Variants in SEPTIN10 observed in about 807,000 individuals in gnomAD.
SEPTIN10 encodes septin 10.
SEPTIN10 carries 66 observed loss-of-function variants against 54.8 expected under a neutral mutation model. The ratio of observed to expected loss-of-function variants is 1.21; its 90% CI spans 0.99 to 1.48. SEPTIN10 has a LOEUF of 1.48. Among genes scored for constraint, SEPTIN10 ranks in the 40% most tolerant of loss-of-function variants. SEPTIN10 has a pLI of 0.00. For synonymous variants in SEPTIN10, 161 were observed against 181.0 expected, an observed-to-expected ratio of 0.89 and a Z score of 0.89; for missense variants, 620 against 545.6, an observed-to-expected ratio of 1.14 and a Z score of -1.36.
At chr2:109,578,964 A>G (rs956703717) in intron 4 of SEPTIN10, among the ~76,000 whole-genome samples, 2 of 152,190 alleles carry the variant, frequency 1.3e-5, no homozygotes, top group African/African-American at 4.8e-5. Context: ...AAAGAAAAGC[A>G]TAAAACTGAA....
intron 5 of SEPTIN10, among the ~76,000 whole-genome samples, chr2:109,573,515 C>T (rs111452745): frequency 0.025 from 3,823 of 152,178 alleles, 177 homozygotes; most frequent in African/African-American, 0.086. Flanking sequence ...TTTGCTAAAA[C>T]CAGGGGACCA....
At chr2:109,601,785 A>C (rs1440111527) in intron 1 of SEPTIN10, among the ~76,000 whole-genome samples, 16 of 152,072 alleles carry the variant, frequency 1.1e-4, no homozygotes, top group Admixed American at 1.0e-3. Flanking sequence ...AAAAGCAACT[A>C]AATCTTCCTT....
chr2:109,608,926 C>T (rs4953843), intron 1 of SEPTIN10, among the ~76,000 whole-genome samples: 69,178 of 152,068 alleles, frequency 0.45, 16,166 homozygotes, highest in African/African-American at 0.55. Flanking sequence ...AGAGATAAAT[C>T]ACATTAATAT....
rs1027020337 is a variant in SEPTIN10, at chr2:109,566,212, C to T, written c.763-353G>A. Among the ~76,000 whole-genome samples, 3 of 152,106 alleles carry T rather than the reference C, an allele frequency of 2.0e-5. No homozygotes were observed. The South Asian group carries it at 6.2e-4, about 32-fold the overall frequency. On this transcript the variant is annotated intron_variant, in intron 6 of 10. Coordinates refer to ENST00000397712, the MANE Select transcript of SEPTIN10 (RefSeq NM_144710.5). Reference sequence around the variant, plus strand: ...CTCATCTCACTGCAGCCTCCGCCTCCTGGGTTCCAGTGATTCTCCTACCTC... The same window carrying T: ...CTCATCTCACTGCAGCCTCCGCCTCTTGGGTTCCAGTGATTCTCCTACCTC...
intron 8 of SEPTIN10, among the ~76,000 whole-genome samples, chr2:109,559,951 C>T (rs928241480): frequency 6.8e-5 from 9 of 132,444 alleles, no homozygotes; most frequent in Non-Finnish European, 1.2e-4. Flanking sequence ...GATGGGGTCT[C>T]GCTCTGTCAC....
chr2:109,574,810 A>G, intron 4 of SEPTIN10, 43 bp from the exon 5 acceptor site: 1 of 1,390,050 alleles, frequency 7.2e-7, no homozygotes, highest in East Asian at 2.5e-5. Context: ...TATTTGTGCT[A>G]CCTTAAGATA....
chr2:109,613,691 G>T, intron 1 of SEPTIN10, 107 bp downstream of exon 1: 1 of 748,898 alleles, frequency 1.3e-6, no homozygotes, highest in Non-Finnish European at 1.8e-6. Flanking sequence ...CGGAGGGGGC[G>T]CGGGTCACAA....
At chr2:109,557,223 T>TA (rs1684586922) in intron 8 of SEPTIN10, among the ~76,000 whole-genome samples, 1 of 152,046 alleles carries the variant, frequency 6.6e-6, no homozygotes, top group Non-Finnish European at 1.5e-5. Flanking sequence ...ATAACAAACA[T>TA]AAGTTTTTTA....
At chr2:109,577,225 G>A (rs748574943) in intron 4 of SEPTIN10, among the ~76,000 whole-genome samples, 2 of 152,186 alleles carry the variant, frequency 1.3e-5, no homozygotes, top group Non-Finnish European at 2.9e-5. Context: ...TCAAGTATGT[G>A]AGCGACACAG....
At chr2:109,565,100 A>C (rs1320739449) in intron 7 of SEPTIN10, among the ~76,000 whole-genome samples, 1 of 152,192 alleles carries the variant, frequency 6.6e-6, no homozygotes, top group African/African-American at 2.4e-5. Context: ...ACAAATAAAT[A>C]TATTTTATTG....
intron 4 of SEPTIN10, among the ~76,000 whole-genome samples, chr2:109,582,930 G>T (rs1289632909): frequency 1.3e-5 from 2 of 152,274 alleles, no homozygotes; most frequent in South Asian, 4.1e-4. Flanking sequence ...AATGGGGAAA[G>T]GACTCTCTAT....
chr2:109,589,051 C>T (rs559909589), intron 2 of SEPTIN10, among the ~76,000 whole-genome samples: 72 of 151,868 alleles, frequency 4.7e-4, no homozygotes, highest in African/African-American at 1.7e-3. Flanking sequence ...CCACCTCAGC[C>T]TCTGGAGTAG....
rs961779692 is a variant in SEPTIN10 at position 109,574,062 on chromosome 2, T to C, written c.600+519A>G. On this transcript the variant is annotated intron_variant, in intron 5 of 10. Transcript: ENST00000397712. Reference sequence around the variant, plus strand: ...CACTACAAAGGAAACTAAAATTTTATTGCAATATTCCTTCTTTGCATCTCA... The same window carrying C: ...CACTACAAAGGAAACTAAAATTTTACTGCAATATTCCTTCTTTGCATCTCA... Among the ~76,000 whole-genome samples the C allele has an allele frequency of 5.3e-5, 8 of 152,308 alleles. 2 individuals carry two copies. The highest frequency in any genetic ancestry group is 6.5e-5 in the Admixed American group (1 of 15,296).
intron 1 of SEPTIN10, among the ~76,000 whole-genome samples, chr2:109,603,918 T>G (rs910897380): frequency 6.6e-6 from 1 of 151,912 alleles, no homozygotes; most frequent in East Asian, 2.0e-4. Flanking sequence ...TCCCAGCACT[T>G]TGGGAGGCCG....
At chr2:109,574,479 G>T in intron 5 of SEPTIN10, 102 bp downstream of exon 5, 24 of 583,796 alleles carry the variant, frequency 4.1e-5, no homozygotes, top group Non-Finnish European at 6.0e-5. Context: ...TAAAAAAGAT[G>T]CACAGGATAA....
chr2:109,591,670 ATGG>A (rs1272538031), intron 2 of SEPTIN10, among the ~76,000 whole-genome samples: 2 of 152,108 alleles, frequency 1.3e-5, no homozygotes, highest in African/African-American at 2.4e-5. Flanking sequence ...GCGGAGGCAG[ATGG>A]ATCACTTGAG....
chr2:109,565,005 T>A (rs1050464634), intron 7 of SEPTIN10, among the ~76,000 whole-genome samples: 1 of 152,198 alleles, frequency 6.6e-6, no homozygotes, highest in Admixed American at 6.5e-5. Flanking sequence ...ATAGAACACA[T>A]TTATGATCCT....
chr2:109,585,885 TTGACTTAAATAGGATG>T (rs1442099003), intron 2 of SEPTIN10, 47 bp from the exon 3 acceptor site: 1 of 1,451,662 alleles, frequency 6.9e-7, no homozygotes. Context: ...AAAAACAACT[TTGACTTAAATAGGATG>T]TAGGCACACT....
chr2:109,556,345 C>A (rs962053171), intron 8 of SEPTIN10, among the ~76,000 whole-genome samples: 4 of 152,166 alleles, frequency 2.6e-5, no homozygotes, highest in Non-Finnish European at 4.4e-5. Flanking sequence ...AAAAATAAAT[C>A]AATTTCAAAA....
Sources: gnomAD v4.1 joint callset for allele counts (sites outside exome capture counted in the v4.1 genomes callset) on GRCh38, gnomAD v4.1.1 for gene constraint, MANE v1.5 for transcripts, NCBI Gene and HGNC (gene_info 2026-07-23, HGNC 2026-07-21) for gene names.